Variants in GRIK4 observed in about 807,000 individuals in gnomAD.
GRIK4 encodes the protein glutamate receptor ionotropic, kainate 4.
A neutral mutation model predicts 104.9 loss-of-function variants in GRIK4; 40 were observed. The ratio of observed to expected loss-of-function variants is 0.38; its 90% CI spans 0.30 to 0.50. The LOEUF (loss-of-function observed/expected upper bound fraction) is 0.50, where lower values mean the gene tolerates loss of function less well. GRIK4 is among the 20% of genes least tolerant of loss of function. GRIK4 has a pLI of 0.93. For synonymous variants in GRIK4, 485 were observed against 524.9 expected, an observed-to-expected ratio of 0.92 and a Z score of 1.04; for missense variants, 1,047 against 1,308.1, an observed-to-expected ratio of 0.80 and a Z score of 3.08.
At chr11:120,578,588 G>A (rs1484175445) in intron 1 of GRIK4, among the ~76,000 whole-genome samples, 7 of 152,190 alleles carry the variant, frequency 4.6e-5, no homozygotes, top group Non-Finnish European at 1.0e-4. Context: ...CCATAGAGGG[G>A]GATACACGGA....
chr11:120,809,344 C>G (rs1364958131), intron 4 of GRIK4, among the ~76,000 whole-genome samples: 1 of 152,224 alleles, frequency 6.6e-6, no homozygotes, highest in Non-Finnish European at 1.5e-5. Context: ...GTAAACGCAT[C>G]TCCCTCCCTT....
At chr11:120,600,105 G>T (rs1948864332) in intron 1 of GRIK4, among the ~76,000 whole-genome samples, 1 of 152,208 alleles carries the variant, frequency 6.6e-6, no homozygotes, top group Non-Finnish European at 1.5e-5. Context: ...GGAGAGTAGT[G>T]CTGGCAGCCC....
At position 120,980,329 on chromosome 11, in the gene GRIK4, A is replaced by T. The variant is rs371079610; in HGVS notation, c.2396-1777A>T. 1.2e-3 allele frequency among the ~76,000 whole-genome samples: 189 copies of T among 152,274 alleles called. 1 individual carries two copies. The highest frequency in any genetic ancestry group is 4.2e-3 in the African/African-American group (175 of 41,548). On this transcript the variant is annotated intron_variant, in intron 19 of 20. Transcript: ENST00000527524. ...AGGGGCTGGCCAGAGAAGGTAATTC[A>T]TCCGTGTTGCACAGATACACATCCT...
intron 1 of GRIK4, among the ~76,000 whole-genome samples, chr11:120,601,487 A>G (rs555647980): frequency 6.6e-6 from 1 of 152,108 alleles, no homozygotes; most frequent in African/African-American, 2.4e-5. Context: ...TTCAATTCAC[A>G]TAGCACATTA....
At chr11:120,854,368 A>T (rs1277841974) in intron 8 of GRIK4, among the ~76,000 whole-genome samples, 4 of 152,218 alleles carry the variant, frequency 2.6e-5, no homozygotes, top group African/African-American at 9.6e-5. Flanking sequence ...CCAGTTCTGG[A>T]GTGAAGAGGC....
chr11:120,986,321 C>A lies in GRIK4; in HGVS notation c.*61C>A. On this transcript the variant is annotated 3_prime_UTR_variant, in exon 21 of 21. Transcript: ENST00000527524. ...GGCGGGAGGGGAGGGGCGGGGCGGGCGCTGCTGTCAGCCGCCAGCCGGAAC... is the reference window on the plus strand; with the variant it reads ...GGCGGGAGGGGAGGGGCGGGGCGGGAGCTGCTGTCAGCCGCCAGCCGGAAC... 3.5e-6 allele frequency: 5 copies of A among 1,413,556 alleles called. No homozygotes were observed. Among genetic ancestry groups the A allele is most frequent in the Admixed American group, 3.0e-5 (1 of 33,734 alleles). 87.6% of individuals were successfully genotyped at this position (1,413,556 alleles called of 1,614,324 possible). A position where few individuals can be genotyped will look rare whatever the true frequency, so the allele number is the denominator to read the frequency against.
intron 4 of GRIK4, among the ~76,000 whole-genome samples, chr11:120,806,744 G>A (rs772186974): frequency 2.6e-5 from 4 of 152,340 alleles, no homozygotes; most frequent in Admixed American, 6.5e-5. Context: ...GTTGAGGGAA[G>A]CAATGGTTAT....
At chr11:120,796,282 G>A (rs954891447) in intron 3 of GRIK4, among the ~76,000 whole-genome samples, 34 of 152,024 alleles carry the variant, frequency 2.2e-4, no homozygotes, top group Admixed American at 5.2e-4. Flanking sequence ...TGATCCGCCC[G>A]CCTCAGCCTC....
rs1942797593 is a variant in GRIK4, at chr11:120,903,592, C to T, written c.1273-1698C>T. 6.6e-6 allele frequency among the ~76,000 whole-genome samples: 1 copy of T among 152,126 alleles called. No individual in the cohort carries two copies. Among genetic ancestry groups the T allele is most frequent in the African/African-American group, 2.4e-5 (1 of 41,426 alleles). On this transcript the variant is annotated intron_variant, in intron 12 of 20. Coordinates refer to ENST00000527524, the MANE Select transcript of GRIK4 (RefSeq NM_014619.5). The surrounding 1 kb of genome is among the most constrained non-coding windows in gnomAD (Gnocchi z 4.4). ...CCTGGACTGTCCCATCCTAAAACACCATCGCCTTCACCTTTCCTACACCCT... is the reference window on the plus strand; with the variant it reads ...CCTGGACTGTCCCATCCTAAAACACTATCGCCTTCACCTTTCCTACACCCT...
At chr11:120,984,910 C>A (rs1944714893) in intron 20 of GRIK4, among the ~76,000 whole-genome samples, 1 of 148,392 alleles carries the variant, frequency 6.7e-6, no homozygotes, top group Non-Finnish European at 1.5e-5. Context: ...CTCACTGCAA[C>A]CTCCGCCTCC....
At chr11:120,984,882 C>T (rs1223790269) in intron 20 of GRIK4, among the ~76,000 whole-genome samples, 3 of 140,976 alleles carry the variant, frequency 2.1e-5, no homozygotes, top group African/African-American at 5.4e-5. Context: ...GAATGGAGTG[C>T]AGTGGCAGGT....
At chr11:120,861,876 A>AC in intron 8 of GRIK4, 83 bp from the exon 9 acceptor site, 1 of 1,024,012 alleles carries the variant, frequency 9.8e-7, no homozygotes, top group Non-Finnish European at 1.5e-6. Flanking sequence ...AGAATGTGGT[A>AC]CCCAGATATG....
At chr11:120,761,274 C>T (rs181650188) in intron 3 of GRIK4, among the ~76,000 whole-genome samples, 9 of 152,078 alleles carry the variant, frequency 5.9e-5, no homozygotes, top group African/African-American at 1.2e-4. Flanking sequence ...TCATATCCTT[C>T]GCCCACTTTT....
intron 14 of GRIK4, among the ~76,000 whole-genome samples, chr11:120,941,384 C>G (rs528973580): frequency 7.2e-5 from 11 of 152,292 alleles, no homozygotes; most frequent in Non-Finnish European, 1.3e-4. Flanking sequence ...GACCCCTTGC[C>G]AGGCCCCACA....
At chr11:120,649,333 C>G (rs555622370) in intron 1 of GRIK4, among the ~76,000 whole-genome samples, 1 of 152,236 alleles carries the variant, frequency 6.6e-6, no homozygotes, top group East Asian at 1.9e-4. Flanking sequence ...GGCCTACTTT[C>G]TGACGATGGT....
intron 4 of GRIK4, among the ~76,000 whole-genome samples, chr11:120,803,345 C>T (rs1038827466): frequency 6.6e-6 from 1 of 152,218 alleles, no homozygotes; most frequent in South Asian, 2.1e-4. Flanking sequence ...TCATCCTATC[C>T]TATCCAAACC....
chr11:120,616,311 A>G (rs1205526481), intron 1 of GRIK4, among the ~76,000 whole-genome samples: 2 of 152,224 alleles, frequency 1.3e-5, no homozygotes, highest in African/African-American at 2.4e-5. Context: ...TTGTGGGTCA[A>G]TAATCCCTTT....
At chr11:120,642,437 C>G (rs1345300271) in intron 1 of GRIK4, among the ~76,000 whole-genome samples, 1 of 151,088 alleles carries the variant, frequency 6.6e-6, no homozygotes, top group Non-Finnish European at 1.5e-5. Flanking sequence ...TGTTCTGGGA[C>G]AAACTCTGGA....
At chr11:120,944,002 T>C (rs1020022229) in intron 14 of GRIK4, among the ~76,000 whole-genome samples, 4 of 152,174 alleles carry the variant, frequency 2.6e-5, no homozygotes, top group Admixed American at 2.6e-4. Context: ...ATAATCTCTG[T>C]TTCTGTTCAG....
Sources: gnomAD v4.1 joint callset for allele counts (sites outside exome capture counted in the v4.1 genomes callset) on GRCh38, gnomAD v4.1.1 for gene constraint, Gnocchi (gnomAD v3.1) non-coding constraint, MANE v1.5 for transcripts, NCBI Gene and HGNC (gene_info 2026-07-23, HGNC 2026-07-21) for gene names.